NTM: variants seen among roughly 807,000 people sequenced by gnomAD.
The protein encoded by NTM is IgLON family member 2.
A neutral mutation model predicts 42.1 loss-of-function variants in NTM; 13 were observed. The observed-to-expected ratio is 0.31, with a 90% CI of 0.20 to 0.49. NTM has a LOEUF of 0.49. Among genes scored for constraint, NTM ranks in the 20% least tolerant of loss-of-function variants. The pLI, the probability that NTM is intolerant of heterozygous loss-of-function variation, is 0.99. For missense variants in NTM, 373 were observed against 452.8 expected (o/e 0.82, Z 1.60); for synonymous variants, 187 against 179.2 (o/e 1.04, Z -0.35).
intron 1 of NTM, among the ~76,000 whole-genome samples, chr11:131,785,846 G>A (rs1407014187): frequency 2.0e-5 from 3 of 152,254 alleles, no homozygotes; most frequent in Non-Finnish European, 4.4e-5. Flanking sequence ...TAAACAGTCT[G>A]TCAAATATCA....
intron 2 of NTM, among the ~76,000 whole-genome samples, chr11:132,060,208 C>T (rs1318230229): frequency 1.3e-5 from 2 of 152,212 alleles, no homozygotes; most frequent in Non-Finnish European, 2.9e-5. Flanking sequence ...ATACATCCAC[C>T]CCCTGGGCTT....
At chr11:131,553,764 G>T (rs555916916) in intron 1 of NTM, among the ~76,000 whole-genome samples, 2 of 152,088 alleles carry the variant, frequency 1.3e-5, no homozygotes, top group Non-Finnish European at 2.9e-5. Context: ...GGACCCTCCC[G>T]AAATGCAAAG....
chr11:131,547,026 A>T (rs1311955263), intron 1 of NTM, among the ~76,000 whole-genome samples: 4 of 152,252 alleles, frequency 2.6e-5, no homozygotes, highest in African/African-American at 9.6e-5. Flanking sequence ...TCTTCCAAGA[A>T]GCCCTCTGTG....
At chr11:131,422,188 G>A (rs1947605785) in intron 1 of NTM, among the ~76,000 whole-genome samples, 1 of 143,100 alleles carries the variant, frequency 7.0e-6, no homozygotes, top group Non-Finnish European at 1.5e-5. Flanking sequence ...CTGTTGCAGG[G>A]ATAGCTGGGA....
intron 4 of NTM, among the ~76,000 whole-genome samples, chr11:132,213,355 A>C (rs1190564521): frequency 1.3e-5 from 2 of 152,134 alleles, no homozygotes; most frequent in Admixed American, 6.5e-5. Context: ...GCCCTTCAGA[A>C]GGTTCCCTTA....
At chr11:132,109,467 C>G (rs1362007982) in intron 2 of NTM, among the ~76,000 whole-genome samples, 2 of 152,092 alleles carry the variant, frequency 1.3e-5, no homozygotes, top group African/African-American at 4.8e-5. Context: ...GATGTCCTAG[C>G]CTCCAGGACA....
At chr11:131,864,931 C>T (rs1392644041) in intron 1 of NTM, among the ~76,000 whole-genome samples, 1 of 152,212 alleles carries the variant, frequency 6.6e-6, no homozygotes, top group Non-Finnish European at 1.5e-5. Context: ...TCGACTGAGC[C>T]AGCAGGGCCT....
intron 1 of NTM, among the ~76,000 whole-genome samples, chr11:131,600,057 G>A (rs544657749): frequency 5.3e-5 from 8 of 152,220 alleles, no homozygotes; most frequent in Non-Finnish European, 7.3e-5. Flanking sequence ...GGGGTCTGAA[G>A]TTGAGCCACG....
intron 1 of NTM, among the ~76,000 whole-genome samples, chr11:131,470,504 G>T (rs1326751070): frequency 1.3e-5 from 2 of 152,148 alleles, no homozygotes; most frequent in African/African-American, 4.8e-5. Flanking sequence ...CCTCACACTG[G>T]CACACGTTGC....
At chr11:131,893,341 AAAG>A (rs1315732701) in intron 1 of NTM, among the ~76,000 whole-genome samples, 3 of 152,234 alleles carry the variant, frequency 2.0e-5, no homozygotes, top group African/African-American at 7.2e-5. Flanking sequence ...CCTCCTTCGT[AAAG>A]AAGAAAATGA....
At chr11:131,497,665 G>A (rs1323924736) in intron 1 of NTM, among the ~76,000 whole-genome samples, 1 of 152,122 alleles carries the variant, frequency 6.6e-6, no homozygotes, top group East Asian at 1.9e-4. Context: ...AATTCAAGAG[G>A]GAGAAAATTG....
intron 2 of NTM, among the ~76,000 whole-genome samples, chr11:132,066,561 C>T (rs887204858): frequency 6.6e-6 from 1 of 152,168 alleles, no homozygotes; most frequent in Non-Finnish European, 1.5e-5. Flanking sequence ...AACTCAACTT[C>T]ACTGGCCCCA....
intron 1 of NTM, among the ~76,000 whole-genome samples, chr11:131,854,602 T>A (rs2045920425): frequency 6.6e-6 from 1 of 152,158 alleles, no homozygotes; most frequent in Non-Finnish European, 1.5e-5. Context: ...CAGAGGTGAA[T>A]GTGCTTGGAG....
intron 4 of NTM, among the ~76,000 whole-genome samples, chr11:132,288,701 C>T (rs192278145): frequency 1.4e-3 from 219 of 152,268 alleles, no homozygotes; most frequent in Non-Finnish European, 2.4e-3. Context: ...CCCACTGCAA[C>T]CTCCAGCTCC....
At chr11:132,298,777 T>C (rs895914) in intron 4 of NTM, among the ~76,000 whole-genome samples, 39,940 of 152,170 alleles carry the variant, frequency 0.26, 5,491 homozygotes, top group African/African-American at 0.33. Flanking sequence ...TATGCGTAGC[T>C]ATGCATATTC....
chr11:131,822,169 C>T (rs966009116), intron 1 of NTM, among the ~76,000 whole-genome samples: 4 of 152,232 alleles, frequency 2.6e-5, no homozygotes, highest in South Asian at 2.1e-4. Context: ...CTCATGCAGT[C>T]GTCACCCCGT....
intron 1 of NTM, among the ~76,000 whole-genome samples, chr11:131,530,992 C>T (rs944339301): frequency 1.3e-5 from 2 of 152,184 alleles, no homozygotes; most frequent in Non-Finnish European, 2.9e-5. Flanking sequence ...ATAGATGGCT[C>T]AGCACACACT....
At chr11:132,285,365 TTTG>T (rs994062823) in intron 4 of NTM, among the ~76,000 whole-genome samples, 1 of 152,122 alleles carries the variant, frequency 6.6e-6, no homozygotes, top group Non-Finnish European at 1.5e-5. Context: ...TTCTCACCTT[TTTG>T]TTGTTGTTAA....
At chr11:131,554,818 A>C (rs1482306353) in intron 1 of NTM, among the ~76,000 whole-genome samples, 1 of 152,068 alleles carries the variant, frequency 6.6e-6, no homozygotes, top group African/African-American at 2.4e-5. Flanking sequence ...GCTTGGATGC[A>C]CTTTGCTTTG....
Sources: gnomAD v4.1 joint callset for allele counts (sites outside exome capture counted in the v4.1 genomes callset) on GRCh38, gnomAD v4.1.1 for gene constraint, MANE v1.5 for transcripts, NCBI Gene and HGNC (gene_info 2026-07-23, HGNC 2026-07-21) for gene names.